Variants in PRR16 observed in about 807,000 individuals in gnomAD.
PRR16 encodes the protein proline rich 16.
Under a neutral mutation model 18.2 loss-of-function variants are expected in PRR16, and 6 were observed. The ratio of observed to expected loss-of-function variants is 0.33; its 90% CI spans 0.18 to 0.65. The LOEUF is 0.65. Ranked by LOEUF, PRR16 falls within the 30% of genes least tolerant of loss-of-function variation. The pLI, the probability that PRR16 is intolerant of heterozygous loss-of-function variation, is 0.74. For synonymous variants in PRR16, 151 were observed against 147.8 expected (o/e 1.02, Z -0.16); for missense variants, 412 against 376.6 (o/e 1.09, Z -0.78).
At chr5:120,707,938 C>T in the PRR16 span, among the ~76,000 whole-genome samples, 1 of 152,088 alleles carries the variant, frequency 6.6e-6, no homozygotes, top group South Asian at 2.1e-4. Context: ...AACCAATGGC[C>T]TGGTGAGAGA....
chr5:120,704,073 C>T, the PRR16 span, among the ~76,000 whole-genome samples: 1 of 152,128 alleles, frequency 6.6e-6, no homozygotes, highest in Admixed American at 6.5e-5. Flanking sequence ...AATTCAAACA[C>T]AGAAGTTAAC....
At chr5:120,622,220 A>G (rs927980136) in intron 1 of PRR16, among the ~76,000 whole-genome samples, 1 of 151,958 alleles carries the variant, frequency 6.6e-6, no homozygotes, top group Admixed American at 6.6e-5. Context: ...TCCCTTTTTT[A>G]TTTCTGAGAC....
chr5:120,542,922 A>T (rs541175204), intron 1 of PRR16, among the ~76,000 whole-genome samples: 84 of 152,268 alleles, frequency 5.5e-4, no homozygotes, highest in Non-Finnish European at 1.0e-3. Flanking sequence ...GTGATTATTC[A>T]ATGTGTGGTT....
At chr5:120,738,537 T>C in the PRR16 span, among the ~76,000 whole-genome samples, 4 of 152,206 alleles carry the variant, frequency 2.6e-5, no homozygotes, top group African/African-American at 7.2e-5. Flanking sequence ...ATCATCATTA[T>C]GGCTGAAAGT....
At chr5:120,586,209 C>G (rs964981032) in intron 1 of PRR16, among the ~76,000 whole-genome samples, 1 of 151,572 alleles carries the variant, frequency 6.6e-6, no homozygotes, top group Non-Finnish European at 1.5e-5. Flanking sequence ...ATGAACACAA[C>G]AACATCTTAA....
chr5:120,783,456 C>T, the PRR16 span, among the ~76,000 whole-genome samples: 2 of 152,030 alleles, frequency 1.3e-5, no homozygotes, highest in Admixed American at 1.3e-4. Flanking sequence ...GGTAGAATGG[C>T]ATCATGTTTT....
intron 1 of PRR16, among the ~76,000 whole-genome samples, chr5:120,502,086 T>C (rs1750479857): frequency 6.6e-6 from 1 of 151,226 alleles, no homozygotes; most frequent in Non-Finnish European, 1.5e-5. Flanking sequence ...ACAACAGTTC[T>C]GGAGGGAAGT....
rs141466621 is a variant in PRR16 at position 120,525,831 on chromosome 5, A to G, written c.159+61186A>G. 6.5e-3 allele frequency among the ~76,000 whole-genome samples: 993 copies of G among 152,286 alleles called. 17 individuals are homozygous for G. The highest frequency in any genetic ancestry group is 0.023 in the African/African-American group (956 of 41,578). Reference sequence around the variant, plus strand: ...GTTCAAAGGGTCAAGTTGGTGCAATAGATGTTGAGCACATTTTTTAATGAG... The same window carrying G: ...GTTCAAAGGGTCAAGTTGGTGCAATGGATGTTGAGCACATTTTTTAATGAG... On this transcript the variant is annotated intron_variant, in intron 1 of 1. Coordinates refer to ENST00000407149, the MANE Select transcript of PRR16 (RefSeq NM_001300783.2).
At chr5:120,728,258 A>G in the PRR16 span, among the ~76,000 whole-genome samples, 1 of 152,092 alleles carries the variant, frequency 6.6e-6, no homozygotes, top group East Asian at 1.9e-4. Context: ...AAATAATTAT[A>G]AGCATTAAGA....
chr5:120,622,815 C>G (rs187828078), intron 1 of PRR16, among the ~76,000 whole-genome samples: 1 of 152,204 alleles, frequency 6.6e-6, no homozygotes, highest in Non-Finnish European at 1.5e-5. Context: ...TTCTTGCACT[C>G]TTTAAATCCT....
intron 1 of PRR16, among the ~76,000 whole-genome samples, chr5:120,468,928 T>A (rs1353273216): frequency 6.6e-6 from 1 of 152,224 alleles, no homozygotes; most frequent in African/African-American, 2.4e-5. Context: ...TGAATAGACA[T>A]GACTCTAACA....
the PRR16 span, among the ~76,000 whole-genome samples, chr5:120,787,939 A>G: frequency 6.6e-6 from 1 of 151,956 alleles, no homozygotes; most frequent in Non-Finnish European, 1.5e-5. Context: ...TTATAATTTT[A>G]TGCTATGCAA....
At chr5:120,565,911 C>A (rs186305546) in intron 1 of PRR16, among the ~76,000 whole-genome samples, 78 of 152,114 alleles carry the variant, frequency 5.1e-4, no homozygotes, top group Non-Finnish European at 9.4e-4. Flanking sequence ...ATAATTTTTC[C>A]CCTGAATTTT....
At chr5:120,677,905 C>CA (rs1756851035) in intron 1 of PRR16, among the ~76,000 whole-genome samples, 2 of 93,218 alleles carry the variant, frequency 2.1e-5, no homozygotes, top group African/African-American at 8.8e-5. Context: ...CTTTTTCTTT[C>CA]TTTTTTTTTT....
chr5:120,748,031 A>G, the PRR16 span, among the ~76,000 whole-genome samples: 1 of 152,082 alleles, frequency 6.6e-6, no homozygotes, highest in African/African-American at 2.4e-5. Context: ...TTATCCAACA[A>G]TTTAAAAATG....
the PRR16 span, among the ~76,000 whole-genome samples, chr5:120,749,942 AATTT>A: frequency 4.6e-5 from 7 of 152,164 alleles, no homozygotes; most frequent in Admixed American, 2.0e-4. Context: ...ATCATGTAAC[AATTT>A]ATTTGTCTAA....
chr5:120,597,908 T>TG (rs1753863957), intron 1 of PRR16, among the ~76,000 whole-genome samples: 1 of 151,860 alleles, frequency 6.6e-6, no homozygotes, highest in Admixed American at 6.6e-5. Flanking sequence ...GAAATCTCTT[T>TG]GGATGTGTAG....
chr5:120,695,039 A>C, the PRR16 span, among the ~76,000 whole-genome samples: 1 of 152,246 alleles, frequency 6.6e-6, no homozygotes, highest in Non-Finnish European at 1.5e-5. Context: ...CTGGAGTCCT[A>C]TGGTTACAGT....
intron 1 of PRR16, among the ~76,000 whole-genome samples, chr5:120,474,403 G>A (rs1749369823): frequency 6.6e-6 from 1 of 152,082 alleles, no homozygotes; most frequent in South Asian, 2.1e-4. Context: ...GATGCCACAT[G>A]TCCTCTTCCT....
Sources: allele counts gnomAD v4.1 joint callset (sites outside exome capture counted in the v4.1 genomes callset), GRCh38; gene constraint gnomAD v4.1.1; transcripts MANE v1.5; gene names NCBI Gene and HGNC (gene_info 2026-07-23, HGNC 2026-07-21).